PPP4R2: variants seen among roughly 807,000 people sequenced by gnomAD.
PPP4R2 encodes protein phosphatase 4 regulatory subunit 2.
A neutral mutation model predicts 47.2 loss-of-function variants in PPP4R2; 13 were observed. The observed-to-expected ratio is 0.28, with a 90% CI of 0.18 to 0.44. The LOEUF (loss-of-function observed/expected upper bound fraction) is 0.44, where lower values mean the gene tolerates loss of function less well. PPP4R2 is among the 20% of genes least tolerant of loss of function. The probability of loss-of-function intolerance (pLI) is 1.00; values close to 1 mark genes in which losing one functional copy is unlikely to be tolerated. For missense variants in PPP4R2, 421 were observed against 491.2 expected, an observed-to-expected ratio of 0.86 and a Z score of 1.35; for synonymous variants, 151 against 163.3, an observed-to-expected ratio of 0.92 and a Z score of 0.57.
intron 3 of PPP4R2, among the ~76,000 whole-genome samples, chr3:73,054,821 T>C (rs181835151): frequency 2.6e-5 from 4 of 152,290 alleles, no homozygotes; most frequent in African/African-American, 2.4e-5. Flanking sequence ...CTTAGTACTT[T>C]TATAGAAATT....
chr3:73,006,392 T>C (rs1575839225), intron 2 of PPP4R2, among the ~76,000 whole-genome samples: 1 of 151,836 alleles, frequency 6.6e-6, no homozygotes, highest in East Asian at 1.9e-4. Context: ...AGAGACGGGG[T>C]TTTACCACAT....
intron 2 of PPP4R2, 27 bp from the exon 3 acceptor site, chr3:73,047,147 CTACATGGTATTA>C (rs1257151087): frequency 1.7e-6 from 2 of 1,160,918 alleles, no homozygotes; most frequent in Admixed American, 5.2e-5. Flanking sequence ...AATTGTGAAG[CTACATGGTATTA>C]TATATTTTTT....
intron 3 of PPP4R2, among the ~76,000 whole-genome samples, chr3:73,050,255 G>A (rs768288795): frequency 6.6e-6 from 1 of 152,058 alleles, no homozygotes; most frequent in Non-Finnish European, 1.5e-5. Context: ...TTGAGCCACC[G>A]CGCCTGGCCC....
At chr3:73,042,686 A>C (rs9869215) in intron 2 of PPP4R2, among the ~76,000 whole-genome samples, 68,550 of 151,798 alleles carry the variant, frequency 0.45, 15,712 homozygotes, top group South Asian at 0.56. Flanking sequence ...ACTTTTAGGG[A>C]AGCATTTTCT....
intron 3 of PPP4R2, among the ~76,000 whole-genome samples, chr3:73,055,575 A>T (rs1014546745): frequency 3.3e-5 from 5 of 151,540 alleles, no homozygotes; most frequent in African/African-American, 1.2e-4. Context: ...CTAGCTAGTC[A>T]TGTCCTTTTT....
At chr3:73,059,311 C>T (rs569250760) in intron 4 of PPP4R2, among the ~76,000 whole-genome samples, 181 bp downstream of exon 4, 6 of 152,080 alleles carry the variant, frequency 3.9e-5, no homozygotes, top group South Asian at 2.1e-4. Flanking sequence ...TTAATAGGAC[C>T]GGGTAGAGGA....
intron 2 of PPP4R2, among the ~76,000 whole-genome samples, chr3:73,038,596 AT>A (rs1465115902): frequency 6.6e-6 from 1 of 152,082 alleles, no homozygotes; most frequent in Non-Finnish European, 1.5e-5. Context: ...GGGTTTCACC[AT>A]TCTGGCCAGG....
intron 2 of PPP4R2, among the ~76,000 whole-genome samples, chr3:73,006,918 A>G (rs1001582538): frequency 3.5e-5 from 5 of 142,478 alleles, no homozygotes; most frequent in African/African-American, 1.4e-4. Flanking sequence ...AGGTCATGTG[A>G]CTATCAGTTT....
intron 2 of PPP4R2, among the ~76,000 whole-genome samples, chr3:73,018,915 T>G (rs1701904561): frequency 1.3e-5 from 2 of 152,198 alleles, no homozygotes; most frequent in African/African-American, 2.4e-5. Flanking sequence ...TATAGCTGTT[T>G]GCTTACTAGT....
chr3:73,041,124 A>G (rs557588739), intron 2 of PPP4R2, among the ~76,000 whole-genome samples: 11 of 152,302 alleles, frequency 7.2e-5, no homozygotes, highest in African/African-American at 1.9e-4. Flanking sequence ...AGTAGTCTCA[A>G]TATTTTTCAG....
chr3:73,056,232 T>C (rs1702729272), intron 3 of PPP4R2, among the ~76,000 whole-genome samples: 1 of 152,214 alleles, frequency 6.6e-6, no homozygotes. Context: ...TCACACTAAG[T>C]TTTCCCAGTG....
intron 3 of PPP4R2, among the ~76,000 whole-genome samples, chr3:73,050,984 G>A (rs1349858038): frequency 6.6e-6 from 1 of 151,936 alleles, no homozygotes; most frequent in Non-Finnish European, 1.5e-5. Flanking sequence ...GAACGATCTC[G>A]GCTCACCACA....
At chr3:73,007,875 T>C (rs1326135001) in intron 2 of PPP4R2, among the ~76,000 whole-genome samples, 2 of 152,232 alleles carry the variant, frequency 1.3e-5, no homozygotes, top group Non-Finnish European at 2.9e-5. Context: ...TTCTAAAATG[T>C]CAGCCAAATA....
intron 3 of PPP4R2, among the ~76,000 whole-genome samples, chr3:73,051,329 C>G (rs1702607687): frequency 2.0e-5 from 3 of 152,160 alleles, no homozygotes; most frequent in Admixed American, 2.0e-4. Flanking sequence ...GTTGTTGATG[C>G]TTTCTTTTGT....
At chr3:73,056,261 G>A (rs948477937) in intron 3 of PPP4R2, among the ~76,000 whole-genome samples, 1 of 151,666 alleles carries the variant, frequency 6.6e-6, no homozygotes, top group African/African-American at 2.4e-5. Flanking sequence ...ACTAAGCTTG[G>A]CATACAGTTT....
chr3:73,025,221 C>A (rs1176620348), intron 2 of PPP4R2, among the ~76,000 whole-genome samples: 1 of 152,100 alleles, frequency 6.6e-6, no homozygotes, highest in African/African-American at 2.4e-5. Flanking sequence ...GTATACAGTA[C>A]CTGCAATTCA....
intron 2 of PPP4R2, among the ~76,000 whole-genome samples, chr3:73,012,951 G>T (rs1444010880): frequency 4.0e-5 from 6 of 149,544 alleles, no homozygotes; most frequent in African/African-American, 1.5e-4. Flanking sequence ...TACTAGTGGT[G>T]AATTTGAGAT....
At chr3:73,036,294 TAC>T (rs1373725684) in intron 2 of PPP4R2, among the ~76,000 whole-genome samples, 1 of 152,104 alleles carries the variant, frequency 6.6e-6, no homozygotes, top group African/African-American at 2.4e-5. Context: ...GGTACAAAAG[TAC>T]AGTCAGATAA....
At chr3:73,048,133 C>T (rs1019748142) in intron 3 of PPP4R2, among the ~76,000 whole-genome samples, 1 of 152,180 alleles carries the variant, frequency 6.6e-6, no homozygotes, top group Admixed American at 6.5e-5. Context: ...CCTCGGCCTC[C>T]CAAAGTGCTG....
Sources: gnomAD v4.1 joint callset for allele counts (sites outside exome capture counted in the v4.1 genomes callset) on GRCh38, gnomAD v4.1.1 for gene constraint, MANE v1.5 for transcripts, NCBI Gene and HGNC (gene_info 2026-07-23, HGNC 2026-07-21) for gene names.